C11orf65: variants seen among roughly 807,000 people sequenced by gnomAD.
The protein encoded by C11orf65 is chromosome 11 open reading frame 65, also known as protein MFI.
Under a neutral mutation model 35.3 loss-of-function variants are expected in C11orf65, and 38 were observed. The observed-to-expected ratio is 1.08, with a 90% CI of 0.83 to 1.41. The LOEUF (loss-of-function observed/expected upper bound fraction) is 1.41, where lower values mean the gene tolerates loss of function less well. Ranked by LOEUF, C11orf65 falls within the 40% of genes most tolerant of loss-of-function variation. The probability of loss-of-function intolerance (pLI) is 0.00; values close to 1 mark genes in which losing one functional copy is unlikely to be tolerated. For synonymous variants in C11orf65, 105 were observed against 114.4 expected, an observed-to-expected ratio of 0.92 and a Z score of 0.53; for missense variants, 370 against 367.1, an observed-to-expected ratio of 1.01 and a Z score of -0.06.
chr11:108,342,563 A>G (rs1409000671), intron 2 of C11orf65, among the ~76,000 whole-genome samples: 2 of 152,156 alleles, frequency 1.3e-5, no homozygotes, highest in African/African-American at 4.8e-5. Context: ...GGGTCAGTGA[A>G]GCACACAAGG....
At position 108,310,454 on chromosome 11, in the gene C11orf65, T is replaced by A. The variant is rs1029725208; in HGVS notation, c.641-1383A>T. 4 of 785,410 alleles carry A rather than the reference T, an allele frequency of 5.1e-6. No homozygotes were observed. The African/African-American group carries it at 5.2e-5, about 10-fold the overall frequency. 48.7% of individuals were successfully genotyped at this position (785,410 alleles called of 1,614,324 possible). On this transcript the variant is annotated intron_variant, in intron 6 of 6. Coordinates refer to the C11orf65 transcript ENST00000525729. Reference sequence around the variant, plus strand: ...TAGAAATTTTGTTTTAAAGTGAAATTATAATAAATTTTTAAAAAGGAATAT... The same window carrying A: ...TAGAAATTTTGTTTTAAAGTGAAATAATAATAAATTTTTAAAAAGGAATAT...
At chr11:108,309,564 G>C (rs2083971230) in intron 6 of C11orf65, among the ~76,000 whole-genome samples, 2 of 152,142 alleles carry the variant, frequency 1.3e-5, no homozygotes, top group Admixed American at 1.3e-4. Context: ...TTCAACACTA[G>C]TGCTCTTAAG....
intron 6 of C11orf65, among the ~76,000 whole-genome samples, chr11:108,400,243 A>T (rs1198988700): frequency 6.6e-6 from 1 of 152,196 alleles, no homozygotes; most frequent in Admixed American, 6.5e-5. Context: ...AAGGTACAGT[A>T]ACTTGTCTCT....
At chr11:108,323,439 AGT>A (rs1477258852) in intron 6 of C11orf65, among the ~76,000 whole-genome samples, 2 of 152,128 alleles carry the variant, frequency 1.3e-5, no homozygotes, top group Non-Finnish European at 2.9e-5. Flanking sequence ...CTGGTTAATG[AGT>A]GAAAAAACAC....
chr11:108,408,674 T>TAAAAAAAATAAAAAAAATAAAAA (rs2092592360), intron 3 of C11orf65, among the ~76,000 whole-genome samples: 1 of 77,192 alleles, frequency 1.3e-5, no homozygotes, highest in African/African-American at 5.8e-5. Context: ...TCTGTCTCAA[T>TAAAAAAAATAAAAAAAATAAAAA]AAATAAAATA....
At chr11:108,412,531 A>G (rs1213356237) in intron 3 of C11orf65, among the ~76,000 whole-genome samples, 1 of 152,156 alleles carries the variant, frequency 6.6e-6, no homozygotes, top group Non-Finnish European at 1.5e-5. Flanking sequence ...AGAAAAGAAC[A>G]AAGACGAACC....
intron 2 of C11orf65, chr11:108,355,611 T>G (rs2089811881): frequency 6.6e-6 from 1 of 152,292 alleles, no homozygotes; most frequent in Admixed American, 6.5e-5. Flanking sequence ...ACTTTTCCAC[T>G]ACTCAGCTTT....
intron 2 of C11orf65, among the ~76,000 whole-genome samples, chr11:108,455,183 T>C (rs969074702): frequency 5.9e-5 from 9 of 152,118 alleles, no homozygotes; most frequent in Admixed American, 1.3e-4. Context: ...TTCTCTAAGA[T>C]CAGGAACATG....
chr11:108,386,208 A>G (rs970033331), intron 7 of C11orf65, among the ~76,000 whole-genome samples: 1 of 152,166 alleles, frequency 6.6e-6, no homozygotes, highest in African/African-American at 2.4e-5. Context: ...TGCCATACTT[A>G]GTGTCCTTTC....
chr11:108,339,168 G>A (rs1206628143), intron 2 of C11orf65, among the ~76,000 whole-genome samples: 2 of 152,144 alleles, frequency 1.3e-5, no homozygotes, highest in African/African-American at 2.4e-5. Context: ...GAATTAGGGT[G>A]GCTGGCCCCA....
chr11:108,427,004 AC>A (rs1194070291), intron 3 of C11orf65, among the ~76,000 whole-genome samples: 1 of 151,970 alleles, frequency 6.6e-6, no homozygotes, highest in African/African-American at 2.4e-5. Context: ...CTAAAACTGG[AC>A]CCCCCTTCCT....
intron 6 of C11orf65, 101 bp from the exon 7 acceptor site, chr11:108,393,479 T>A: frequency 9.1e-7 from 1 of 1,101,846 alleles, no homozygotes. Context: ...TTAAAACTAT[T>A]TGCATATTGA....
intron 2 of C11orf65, among the ~76,000 whole-genome samples, chr11:108,445,438 G>A (rs1338525107): frequency 6.6e-6 from 1 of 152,148 alleles, no homozygotes; most frequent in Non-Finnish European, 1.5e-5. Context: ...AGCAGCATTT[G>A]CAGGTCACCA....
At chr11:108,397,963 C>T (rs1041697699) in intron 6 of C11orf65, among the ~76,000 whole-genome samples, 3 of 152,052 alleles carry the variant, frequency 2.0e-5, no homozygotes, top group Admixed American at 2.0e-4. Context: ...ATCCATGGGG[C>T]ACATCAAAAG....
intron 2 of C11orf65, chr11:108,365,043 G>T: frequency 6.2e-7 from 1 of 1,604,310 alleles, no homozygotes; most frequent in Non-Finnish European, 8.5e-7. Flanking sequence ...TGATTAAAAT[G>T]TACATTGTTC....
chr11:108,429,467 G>GA (rs966830514), intron 3 of C11orf65, among the ~76,000 whole-genome samples: 1 of 152,050 alleles, frequency 6.6e-6, no homozygotes, highest in Non-Finnish European at 1.5e-5. Flanking sequence ...GCCACAGAGT[G>GA]AAAAAAAGAT....
chr11:108,445,475 G>T (rs2093238818), intron 2 of C11orf65, among the ~76,000 whole-genome samples: 2 of 152,186 alleles, frequency 1.3e-5, no homozygotes, highest in South Asian at 2.1e-4. Flanking sequence ...AGCCACCGCT[G>T]TTCTGCAGCC....
Position 108,366,029 on chromosome 11 carries a change from C to CAAA in C11orf65, c.226+27176_226+27178dup, listed in dbSNP as rs369583811. 4.1e-4 allele frequency: 41 copies of CAAA among 100,444 alleles called. No homozygotes were observed. The East Asian group carries it at 4.5e-3, about 11-fold the overall frequency. 6.2% of individuals were successfully genotyped at this position (100,444 alleles called of 1,614,324 possible). ...GGGTGACAAGAGCGAAACTCCATCT[C>CAAA]AAAAAAAAAAAAAAAAAAACAGAAA... On this transcript the variant is annotated intron_variant, in intron 2 of 3. Coordinates refer to the C11orf65 transcript ENST00000524755.
intron 2 of C11orf65, among the ~76,000 whole-genome samples, chr11:108,435,369 C>T (rs1301582161): frequency 6.6e-6 from 1 of 151,930 alleles, no homozygotes; most frequent in Non-Finnish European, 1.5e-5. Context: ...GTAATTAATC[C>T]TGATTCTTAG....
Sources: gnomAD v4.1 joint callset for allele counts (sites outside exome capture counted in the v4.1 genomes callset) on GRCh38, gnomAD v4.1.1 for gene constraint, MANE v1.5 for transcripts, NCBI Gene and HGNC (gene_info 2026-07-23, HGNC 2026-07-21) for gene names.